CDK2: variants seen among roughly 807,000 people sequenced by gnomAD.
CDK2 encodes cyclin-dependent kinase 2.
A neutral mutation model predicts 35.0 loss-of-function variants in CDK2; 8 were observed. The ratio of observed to expected loss-of-function variants is 0.23; its 90% CI spans 0.13 to 0.41. The LOEUF (loss-of-function observed/expected upper bound fraction) is 0.41, where lower values mean the gene tolerates loss of function less well. Ranked by LOEUF, CDK2 falls within the 10% of genes least tolerant of loss-of-function variation. The probability of loss-of-function intolerance (pLI) is 1.00; values close to 1 mark genes in which losing one functional copy is unlikely to be tolerated. For missense variants in CDK2, 201 were observed against 367.1 expected, an observed-to-expected ratio of 0.55 and a Z score of 3.70; for synonymous variants, 134 against 137.7, an observed-to-expected ratio of 0.97 and a Z score of 0.19.
rs373691245 is a variant in CDK2 at position 55,969,209 on chromosome 12, G to A, written c.486+261G>A. Among the ~76,000 whole-genome samples the A allele has an allele frequency of 5.9e-5, 9 of 152,106 alleles. No homozygotes were observed. In the South Asian group the frequency reaches 1.0e-3, roughly 18 times the overall value. On this transcript the variant is annotated intron_variant, in intron 4 of 6. Transcript: ENST00000266970. The stretch of plus-strand genomic sequence containing the variant: ...TCGAGACCATCATGGGCAACATAGC[G>A]AGACCCCATCTCTACAAATCTACAA...
chr12:55,971,305 G>C (rs1889468489), intron 6 of CDK2, 58 bp downstream of exon 6: 1 of 1,533,274 alleles, frequency 6.5e-7, no homozygotes, highest in Admixed American at 1.7e-5. Context: ...GCTTTTCCAG[G>C]ATGAAGGAAG....
chr12:55,968,974 C>G (rs1473778073), intron 4 of CDK2, 26 bp downstream of exon 4: 1 of 1,526,106 alleles, frequency 6.6e-7, no homozygotes, highest in Non-Finnish European at 8.8e-7. Context: ...TCTTTTTTCT[C>G]TGAGCTTCCC....
intron 5 of CDK2, among the ~76,000 whole-genome samples, chr12:55,970,288 CAAAAAAAAAAAAAAAAA>C (rs60371110): frequency 4.6e-5 from 1 of 21,842 alleles, no homozygotes; most frequent in Non-Finnish European, 1.5e-4. Flanking sequence ...GATTCCATCT[CAAAAAAAAAAAAAAAAA>C]AAAAAAAAAA....
chr12:55,967,181 C>T, intron 1 of CDK2, 57 bp downstream of exon 1: 2 of 1,313,608 alleles, frequency 1.5e-6, no homozygotes, highest in South Asian at 1.2e-5. Flanking sequence ...TTGTCCCCCC[C>T]AACCCCCCAC....
In CDK2 at chr12:55,971,617, C is replaced by G; in HGVS notation, c.889C>G (p.Arg297Gly). The G allele has an allele frequency of 6.2e-7, 1 of 1,611,404 alleles. No individual in the cohort carries two copies. The highest frequency in any genetic ancestry group is 8.5e-7 in the Non-Finnish European group (1 of 1,177,474). ...TGTGACCAAGCCAGTACCCCATCTT[C>G]GACTCTGATAGCCTTCTTGAAGCCC... ...QDVTKPVPHL[R>G]L The change falls in exon 7 of 7, where the codon CGA (arginine) becomes GGA (glycine). Residue 297 changes from arginine (R) to glycine (G), a missense_variant. Coordinates refer to ENST00000266970, the MANE Select transcript of CDK2 (RefSeq NM_001798.5).
At chr12:55,970,908 A>AC (rs1280610224) in intron 5 of CDK2, 136 bp from the exon 6 acceptor site, 1 of 784,790 alleles carries the variant, frequency 1.3e-6, no homozygotes, top group Non-Finnish European at 2.3e-6. Context: ...TGTGTGACTG[A>AC]CCCCATGAAA....
At position 55,969,570 on chromosome 12, in the gene CDK2, T is replaced by G; in HGVS notation, c.582T>G (p.Ala194=). 1 of 1,598,478 alleles carries G rather than the reference T, an allele frequency of 6.3e-7. No individual in the cohort carries two copies. Among genetic ancestry groups the G allele is most frequent in the Non-Finnish European group, 8.6e-7 (1 of 1,169,008 alleles). The change falls in exon 5 of 7, where the codon GCT becomes GCG. Residue 194 remains alanine (A), a synonymous_variant. Transcript: ENST00000266970. ...TCTGGAGCCTGGGCTGCATCTTTGCTGAGATGGTATGGAGGCTTGCCCAAG... is the reference window on the plus strand; with the variant it reads ...TCTGGAGCCTGGGCTGCATCTTTGCGGAGATGGTATGGAGGCTTGCCCAAG... ...VDIWSLGCIF[A]EMVTRRALFP...
rs534895276 is a variant in CDK2 at position 55,970,205 on chromosome 12, G to A, written c.588+629G>A. 2.4e-4 allele frequency among the ~76,000 whole-genome samples: 36 copies of A among 148,790 alleles called. 1 individual carries two copies. Among genetic ancestry groups the A allele is most frequent in the African/African-American group, 8.9e-4 (36 of 40,466 alleles). On this transcript the variant is annotated intron_variant, in intron 5 of 6. Transcript: ENST00000266970. ...CTTGGGAGGCCAAGGCAGGAGAATCGGTTGAACCCGGGAGATGGAGGTTGC... is the reference window on the plus strand; with the variant it reads ...CTTGGGAGGCCAAGGCAGGAGAATCAGTTGAACCCGGGAGATGGAGGTTGC...
At chr12:55,969,735 T>G in intron 5 of CDK2, 159 bp downstream of exon 5, 1 of 470,968 alleles carries the variant, frequency 2.1e-6, no homozygotes, top group Non-Finnish European at 3.8e-6. Flanking sequence ...ATGCAACTGT[T>G]GCCCTGATAT....
chr12:55,969,027 C>A, intron 4 of CDK2, 79 bp downstream of exon 4: 1 of 1,108,396 alleles, frequency 9.0e-7, no homozygotes, highest in African/African-American at 1.6e-5. Flanking sequence ...CTAAAAATAT[C>A]TGGCTAACAG....
At chr12:55,967,478 A>T in intron 1 of CDK2, 1 of 414,870 alleles carries the variant, frequency 2.4e-6, no homozygotes, top group Non-Finnish European at 4.4e-6. Context: ...TTTCTGAATG[A>T]AGAGCCCTCT....
rs761382287 is a variant in CDK2 at position 55,970,574 on chromosome 12, A to G, written c.589-470A>G. On this transcript the variant is annotated intron_variant, in intron 5 of 6. Coordinates refer to ENST00000266970, the MANE Select transcript of CDK2 (RefSeq NM_001798.5). The stretch of plus-strand genomic sequence containing the variant: ...TACAATTGTCCGTATTCCTCTCTCA[A>G]TTCATCAAAAAATATTTGTTAAGCA... The G allele has an allele frequency of 3.4e-5, 24 of 700,830 alleles. No homozygotes were observed. In the Middle Eastern group the frequency reaches 1.6e-3, roughly 47 times the overall value. 43.4% of individuals were successfully genotyped at this position (700,830 alleles called of 1,614,324 possible). A position where few individuals can be genotyped will look rare whatever the true frequency, so the allele number is the denominator to read the frequency against.
intron 5 of CDK2, chr12:55,970,531 C>T (rs1565781600): frequency 1.6e-5 from 11 of 672,808 alleles, no homozygotes; most frequent in Admixed American, 1.3e-4. Flanking sequence ...GTGCATTTAT[C>T]CCCCCAGTGC....
chr12:55,970,897 C>G, intron 5 of CDK2, 147 bp from the exon 6 acceptor site: 1 of 766,358 alleles, frequency 1.3e-6, no homozygotes, highest in African/African-American at 1.7e-5. Context: ...GTCTCAGGTT[C>G]TGTGTGACTG....
At chr12:55,967,592 T>G in intron 1 of CDK2, 1 of 510,308 alleles carries the variant, frequency 2.0e-6, no homozygotes, top group Non-Finnish European at 3.5e-6. Flanking sequence ...CTGCATTTTT[T>G]CCCCTCCATT....
At chr12:55,971,365 C>A in intron 6 of CDK2, 118 bp downstream of exon 6, 2 of 1,146,916 alleles carry the variant, frequency 1.7e-6, no homozygotes, top group South Asian at 1.3e-5. Context: ...CTGGTTCCTG[C>A]TCTCCCTGTT....
Position 55,969,697 on chromosome 12 carries a change from G to C in CDK2, c.588+121G>C, listed in dbSNP as rs1889425569. On this transcript the variant is annotated intron_variant, in intron 5 of 6. Transcript: ENST00000266970. ...TCTATCACAGGGTTCTCTCTCTAAA[G>C]TAGCACCAAGGGGAATGGTGGGAAA... 5.8e-6 allele frequency: 3 copies of C among 520,198 alleles called. No homozygotes were observed. The East Asian group carries it at 9.7e-5, about 17-fold the overall frequency. 32.2% of individuals were successfully genotyped at this position (520,198 alleles called of 1,614,324 possible).
chr12:55,969,364 G>A (rs1889417402), intron 4 of CDK2, 111 bp from the exon 5 acceptor site: 2 of 520,670 alleles, frequency 3.8e-6, no homozygotes, highest in Non-Finnish European at 7.0e-6. Flanking sequence ...TGGAGGGAAG[G>A]AAACTGCTTG....
In CDK2 at chr12:55,968,043, C is replaced by G. The variant is rs1405862930; in HGVS notation, c.195-6C>G. The G allele has an allele frequency of 6.8e-6, 11 of 1,614,162 alleles. No homozygotes were observed. Among genetic ancestry groups the G allele is most frequent in the Non-Finnish European group, 9.3e-6 (11 of 1,180,012 alleles). ...ACCTCCATTTCCTCAAACTTTCCTTCTCTAGGCTGCTGGATGTCATTCACA... is the reference window on the plus strand; with the variant it reads ...ACCTCCATTTCCTCAAACTTTCCTTGTCTAGGCTGCTGGATGTCATTCACA... On this transcript the variant is annotated splice_region_variant and splice_polypyrimidine_tract_variant and intron_variant, in intron 2 of 6. Coordinates refer to ENST00000266970, the MANE Select transcript of CDK2 (RefSeq NM_001798.5).
Sources: allele counts gnomAD v4.1 joint callset (sites outside exome capture counted in the v4.1 genomes callset), GRCh38; gene constraint gnomAD v4.1.1; transcripts MANE v1.5; gene names NCBI Gene and HGNC (gene_info 2026-07-23, HGNC 2026-07-21).